ZFHX3: variants seen among roughly 807,000 people sequenced by gnomAD.
ZFHX3 encodes zinc finger homeobox protein 3.
Under a neutral mutation model 279.1 loss-of-function variants are expected in ZFHX3, and 42 were observed. The ratio of observed to expected loss-of-function variants is 0.15; its 90% CI spans 0.12 to 0.19. The LOEUF (loss-of-function observed/expected upper bound fraction) is 0.19. ZFHX3 is among the 10% of genes least tolerant of loss of function. The pLI is 1.00. For missense variants in ZFHX3, 4,981 were observed against 4,754.0 expected (o/e 1.05, Z -1.40); for synonymous variants, 2,293 against 1,957.8 (o/e 1.17, Z -4.52).
At chr16:73,004,650 T>C (rs962172039) in intron 1 of ZFHX3, among the ~76,000 whole-genome samples, 1 of 152,138 alleles carries the variant, frequency 6.6e-6, no homozygotes, top group African/African-American at 2.4e-5. Context: ...ATATTAAGGA[T>C]TTAGGACACA....
chr16:73,021,412 T>A (rs1964292696), intron 1 of ZFHX3, among the ~76,000 whole-genome samples: 1 of 152,130 alleles, frequency 6.6e-6, no homozygotes, highest in African/African-American at 2.4e-5. Context: ...CTGGAGCAGA[T>A]CGAATAGCAT....
At chr16:73,615,758 T>C (rs991581559) in intron 2 of ZFHX3, among the ~76,000 whole-genome samples, 3 of 152,138 alleles carry the variant, frequency 2.0e-5, no homozygotes. Flanking sequence ...AGTACAGTGA[T>C]ACAGAGACAG....
At chr16:73,003,838 G>A (rs1202292871) in intron 1 of ZFHX3, among the ~76,000 whole-genome samples, 1 of 151,960 alleles carries the variant, frequency 6.6e-6, no homozygotes, top group Non-Finnish European at 1.5e-5. Context: ...GGGGGGAAAA[G>A]CTACACATTT....
At chr16:73,352,018 C>G (rs570649299) in intron 3 of ZFHX3, among the ~76,000 whole-genome samples, 1 of 152,342 alleles carries the variant, frequency 6.6e-6, no homozygotes, top group Non-Finnish European at 1.5e-5. Context: ...AATAACTTCT[C>G]CCTGGATGCA....
chr16:72,891,931 A>G (rs1162851194), intron 3 of ZFHX3, among the ~76,000 whole-genome samples: 1 of 152,220 alleles, frequency 6.6e-6, no homozygotes, highest in Non-Finnish European at 1.5e-5. Context: ...AATGGTTTCT[A>G]GTCCTGCTTG....
intron 5 of ZFHX3, among the ~76,000 whole-genome samples, chr16:73,173,007 T>TGG (rs1967575274): frequency 2.0e-5 from 1 of 50,624 alleles, no homozygotes; most frequent in Non-Finnish European, 3.7e-5. Flanking sequence ...TTTTTTTTTT[T>TGG]GTTTTTTTTT....
chr16:73,172,129 T>C (rs11639665), intron 5 of ZFHX3, among the ~76,000 whole-genome samples: 92,893 of 151,962 alleles, frequency 0.61, 28,875 homozygotes, highest in African/African-American at 0.72. Context: ...GGTCCATTGA[T>C]CCCTGAGGAG....
At chr16:73,682,573 G>A (rs1363509355) in intron 1 of ZFHX3, among the ~76,000 whole-genome samples, 5 of 151,868 alleles carry the variant, frequency 3.3e-5, no homozygotes, top group African/African-American at 1.2e-4. Context: ...ATCACCTGAG[G>A]TCAAGAGTTT....
chr16:73,146,148 G>T (rs1966861868), intron 5 of ZFHX3, among the ~76,000 whole-genome samples: 1 of 152,146 alleles, frequency 6.6e-6, no homozygotes, highest in Non-Finnish European at 1.5e-5. Flanking sequence ...AAATGATCTG[G>T]GCCGGGTGCG....
At chr16:73,275,817 T>G (rs1317268761) in intron 4 of ZFHX3, among the ~76,000 whole-genome samples, 1 of 152,154 alleles carries the variant, frequency 6.6e-6, no homozygotes, top group East Asian at 1.9e-4. Flanking sequence ...AATCTTCAAT[T>G]TGTAAAAAAT....
intron 2 of ZFHX3, among the ~76,000 whole-genome samples, chr16:73,474,704 C>T (rs2018735400): frequency 6.6e-6 from 1 of 152,188 alleles, no homozygotes; most frequent in Non-Finnish European, 1.5e-5. Flanking sequence ...CCTTGCCCTG[C>T]TCTGGAACTA....
rs2018936986 is a variant in ZFHX3 at position 73,484,465 on chromosome 16, G to A, written c.-1546-28207C>T. Among the ~76,000 whole-genome samples, 2 of 152,162 alleles carry A rather than the reference G, an allele frequency of 1.3e-5. 1 individual carries two copies. The highest frequency in any genetic ancestry group is 4.1e-4 in the South Asian group (2 of 4,832). On this transcript the variant is annotated intron_variant, in intron 2 of 17. Coordinates refer to the ZFHX3 transcript ENST00000641206. ...AGATGGCCTAATTCCATGTCCCTGGGAGCTGGGTGCCTGGTGACCAGATGG... is the reference window on the plus strand; with the variant it reads ...AGATGGCCTAATTCCATGTCCCTGGAAGCTGGGTGCCTGGTGACCAGATGG...
At chr16:73,491,661 A>G (rs564774996) in intron 2 of ZFHX3, among the ~76,000 whole-genome samples, 5 of 152,282 alleles carry the variant, frequency 3.3e-5, no homozygotes, top group African/African-American at 1.2e-4. Context: ...CTTATAGATA[A>G]TGATATGGTC....
chr16:72,889,049 A>G (rs1466552857), intron 4 of ZFHX3, among the ~76,000 whole-genome samples: 2 of 143,898 alleles, frequency 1.4e-5, no homozygotes, highest in African/African-American at 2.5e-5. Context: ...TGGAAGGCGG[A>G]GTCATGGGTG....
chr16:72,799,420 G>C (rs962341758), intron 8 of ZFHX3, among the ~76,000 whole-genome samples: 3 of 152,126 alleles, frequency 2.0e-5, no homozygotes, highest in African/African-American at 7.2e-5. Flanking sequence ...TCACAAGAAA[G>C]AGAGAAGGCA....
intron 3 of ZFHX3, among the ~76,000 whole-genome samples, chr16:73,396,333 T>C (rs1385984886): frequency 6.6e-6 from 1 of 152,250 alleles, no homozygotes; most frequent in African/African-American, 2.4e-5. Context: ...TGGAGAAGGC[T>C]GTATTTTACC....
intron 5 of ZFHX3, among the ~76,000 whole-genome samples, chr16:73,226,456 G>A (rs889600899): frequency 3.3e-5 from 5 of 152,224 alleles, no homozygotes; most frequent in African/African-American, 1.2e-4. Context: ...AAAATTAATT[G>A]AGCAAGTACG....
intron 1 of ZFHX3, among the ~76,000 whole-genome samples, chr16:73,835,252 G>A (rs139702521): frequency 4.6e-5 from 7 of 152,216 alleles, no homozygotes; most frequent in South Asian, 2.1e-4. Flanking sequence ...AGAGACCTAG[G>A]ATGGAAACTG....
At chr16:73,759,976 A>G (rs1244852024) in intron 1 of ZFHX3, among the ~76,000 whole-genome samples, 2 of 151,402 alleles carry the variant, frequency 1.3e-5, no homozygotes, top group African/African-American at 2.4e-5. Context: ...GAGACACTAA[A>G]AACTCTTCAA....
Sources: allele counts gnomAD v4.1 joint callset (sites outside exome capture counted in the v4.1 genomes callset), GRCh38; gene constraint gnomAD v4.1.1; transcripts MANE v1.5; gene names NCBI Gene and HGNC (gene_info 2026-07-23, HGNC 2026-07-21).